The following ERBB4 variants were observed in gnomAD, a reference collection of about 807,000 sequenced individuals.
ERBB4 encodes receptor tyrosine-protein kinase erbB-4.
ERBB4 carries 42 observed loss-of-function variants against 158.0 expected under a neutral mutation model. That is an observed-to-expected ratio of 0.27 (90% CI 0.21 to 0.34). ERBB4 has a LOEUF of 0.34. Ranked by LOEUF, ERBB4 falls within the 10% of genes least tolerant of loss-of-function variation. The pLI is 1.00. For synonymous variants in ERBB4, 583 were observed against 558.7 expected (o/e 1.04, Z -0.61); for missense variants, 1,333 against 1,624.1 (o/e 0.82, Z 3.08).
intron 2 of ERBB4, among the ~76,000 whole-genome samples, chr2:212,055,887 G>C (rs2077549381): frequency 1.3e-5 from 2 of 152,226 alleles, no homozygotes; most frequent in Admixed American, 6.5e-5. Flanking sequence ...CCGTCCAAAG[G>C]AGCGCAGCTC....
chr2:212,314,732 G>A (rs1305322153), intron 1 of ERBB4, among the ~76,000 whole-genome samples: 1 of 151,086 alleles, frequency 6.6e-6, no homozygotes, highest in Non-Finnish European at 1.5e-5. Flanking sequence ...AAAAGTATTA[G>A]TCAACTGCTT....
At chr2:211,634,583 A>C (rs902268598) in intron 16 of ERBB4, among the ~76,000 whole-genome samples, 5 of 152,128 alleles carry the variant, frequency 3.3e-5, no homozygotes, top group Non-Finnish European at 7.4e-5. Flanking sequence ...TAGCAACCTA[A>C]GTTACTTCTT....
chr2:212,352,239 G>A (rs1435688446), intron 1 of ERBB4, among the ~76,000 whole-genome samples: 2 of 150,606 alleles, frequency 1.3e-5, no homozygotes, highest in African/African-American at 4.9e-5. Flanking sequence ...CCTGGGTGAT[G>A]AAATAATCTG....
At chr2:211,662,551 G>A (rs1189210084) in intron 15 of ERBB4, among the ~76,000 whole-genome samples, 1 of 152,176 alleles carries the variant, frequency 6.6e-6, no homozygotes, top group Non-Finnish European at 1.5e-5. Flanking sequence ...ATGCAGAGCA[G>A]ATATCCAATA....
intron 3 of ERBB4, among the ~76,000 whole-genome samples, chr2:211,829,699 C>T (rs1259099324): frequency 6.6e-6 from 1 of 152,096 alleles, no homozygotes; most frequent in East Asian, 1.9e-4. Flanking sequence ...ACAAACTGAA[C>T]ACCTTGAGTT....
At chr2:211,455,241 A>G (rs968318563) in intron 20 of ERBB4, among the ~76,000 whole-genome samples, 3 of 152,250 alleles carry the variant, frequency 2.0e-5, no homozygotes, top group Non-Finnish European at 4.4e-5. Context: ...GCATTGCATA[A>G]TCTACTAACT....
intron 3 of ERBB4, among the ~76,000 whole-genome samples, chr2:211,939,842 G>A (rs1375392996): frequency 2.0e-5 from 3 of 151,912 alleles, no homozygotes; most frequent in African/African-American, 7.3e-5. Context: ...AGCTACTTGG[G>A]AGGTTGAGGC....
intron 3 of ERBB4, among the ~76,000 whole-genome samples, chr2:211,807,313 G>A (rs903952482): frequency 2.0e-5 from 3 of 152,048 alleles, no homozygotes; most frequent in Admixed American, 6.6e-5. Flanking sequence ...CCCAAGACAG[G>A]CCCCTGGGTG....
intron 20 of ERBB4, among the ~76,000 whole-genome samples, chr2:211,464,035 TAA>T (rs2125508503): frequency 6.6e-6 from 1 of 152,266 alleles, no homozygotes; most frequent in South Asian, 2.1e-4. Context: ...TTTTTTCCTT[TAA>T]GTCTTATCTC....
At chr2:211,563,898 T>C (rs927143777) in intron 19 of ERBB4, among the ~76,000 whole-genome samples, 7 of 152,320 alleles carry the variant, frequency 4.6e-5, no homozygotes, top group South Asian at 4.1e-4. Flanking sequence ...AGTTGGTTTT[T>C]CTATATGAAG....
At chr2:212,466,305 G>C (rs1312380785) in intron 1 of ERBB4, among the ~76,000 whole-genome samples, 2 of 152,144 alleles carry the variant, frequency 1.3e-5, no homozygotes, top group East Asian at 3.9e-4. Context: ...GTATTTGCAA[G>C]ATTTGAAACC....
intron 1 of ERBB4, among the ~76,000 whole-genome samples, chr2:212,504,361 A>G (rs1454069829): frequency 6.6e-6 from 1 of 152,116 alleles, no homozygotes; most frequent in Non-Finnish European, 1.5e-5. Flanking sequence ...GCAAGATTTC[A>G]GCCCCCTAAA....
At chr2:211,954,382 CTTAT>C (rs1332490302) in intron 2 of ERBB4, among the ~76,000 whole-genome samples, 4 of 151,966 alleles carry the variant, frequency 2.6e-5, no homozygotes, top group Non-Finnish European at 4.4e-5. Flanking sequence ...ATGTTTATTA[CTTAT>C]TTTTCTTTAA....
rs1324751648 is a variant in ERBB4 at position 211,550,723 on chromosome 2, TATATATATAC to T, written c.2487+11170_2487+11179del. ...ATATATAGGAATATATATATATATA[TATATATATAC>T]ACACACACACATGCATTTCATTGGT... is the stretch of plus-strand genomic sequence containing the variant. On this transcript the variant is annotated intron_variant, in intron 20 of 27. Coordinates refer to ENST00000342788, the MANE Select transcript of ERBB4 (RefSeq NM_005235.3). 9.1e-3 allele frequency among the ~76,000 whole-genome samples: 1,329 copies of T among 146,138 alleles called. 28 individuals carry two copies. The highest frequency in any genetic ancestry group is 0.031 in the African/African-American group (1,220 of 39,672).
At chr2:211,859,217 C>G (rs1230013773) in intron 3 of ERBB4, among the ~76,000 whole-genome samples, 2 of 152,166 alleles carry the variant, frequency 1.3e-5, no homozygotes, top group African/African-American at 2.4e-5. Context: ...TCAATGAAAT[C>G]TAAATGAAGA....
chr2:211,769,379 C>G (rs998924640), intron 4 of ERBB4, among the ~76,000 whole-genome samples: 4 of 152,178 alleles, frequency 2.6e-5, no homozygotes, highest in African/African-American at 9.7e-5. Flanking sequence ...CAATCTCTGC[C>G]TGTTGTCCAT....
intron 7 of ERBB4, among the ~76,000 whole-genome samples, chr2:211,718,293 A>G (rs2073988424): frequency 6.6e-6 from 1 of 152,202 alleles, no homozygotes; most frequent in African/African-American, 2.4e-5. Flanking sequence ...CACATGACTA[A>G]TAAGGGAACG....
chr2:212,506,045 A>T (rs1017861657), intron 1 of ERBB4, among the ~76,000 whole-genome samples: 1 of 149,022 alleles, frequency 6.7e-6, no homozygotes, highest in African/African-American at 2.4e-5. Context: ...TTAATTCTGC[A>T]TCTCTGGACA....
intron 2 of ERBB4, among the ~76,000 whole-genome samples, chr2:212,070,070 C>T (rs976965870): frequency 2.0e-5 from 3 of 151,896 alleles, no homozygotes; most frequent in South Asian, 2.1e-4. Context: ...CAGTGAGCTA[C>T]GACTGTACCA....
Sources: gnomAD v4.1 joint callset for allele counts (sites outside exome capture counted in the v4.1 genomes callset) on GRCh38, gnomAD v4.1.1 for gene constraint, MANE v1.5 for transcripts, NCBI Gene and HGNC (gene_info 2026-07-23, HGNC 2026-07-21) for gene names.